Variants in TRRAP observed in about 807,000 individuals in gnomAD.
The protein encoded by TRRAP is transformation/transcription domain-associated protein.
Under a neutral mutation model 438.8 loss-of-function variants are expected in TRRAP, and 41 were observed. The ratio of observed to expected loss-of-function variants is 0.09; its 90% CI spans 0.07 to 0.12. The LOEUF is 0.12. Ranked by LOEUF, TRRAP falls within the 10% of genes least tolerant of loss-of-function variation. The pLI is 1.00. For missense variants in TRRAP, 3,122 were observed against 5,055.1 expected (o/e 0.62, Z 11.60); for synonymous variants, 1,994 against 1,962.9 (o/e 1.02, Z -0.42).
intron 67 of TRRAP, among the ~76,000 whole-genome samples, chr7:99,003,678 C>T (rs1055635395): frequency 2.6e-5 from 4 of 152,222 alleles, no homozygotes; most frequent in South Asian, 2.1e-4. Flanking sequence ...TTCCTCTCCA[C>T]GCGGTGGGAG....
At chr7:98,941,107 A>G (rs1381675120) in intron 30 of TRRAP, among the ~76,000 whole-genome samples, 1 of 152,192 alleles carries the variant, frequency 6.6e-6, no homozygotes, top group Non-Finnish European at 1.5e-5. Flanking sequence ...ATTCTTTTGC[A>G]TATGATGTTC....
At chr7:98,898,542 C>T (rs906966176) in intron 8 of TRRAP, among the ~76,000 whole-genome samples, 4 of 152,186 alleles carry the variant, frequency 2.6e-5, no homozygotes, top group South Asian at 2.1e-4. Context: ...CTTTGAGTAA[C>T]GCTTTCCTCC....
intron 58 of TRRAP, among the ~76,000 whole-genome samples, chr7:98,979,661 T>C (rs748433081): frequency 1.3e-5 from 2 of 152,240 alleles, no homozygotes; most frequent in Admixed American, 6.5e-5. Context: ...CGTTCCCTTC[T>C]TTCTCCTTCC....
At chr7:98,945,839 A>G (rs782392565) in intron 32 of TRRAP, 39 bp downstream of exon 32, 11 of 1,584,784 alleles carry the variant, frequency 6.9e-6, no homozygotes, top group East Asian at 2.2e-5. Context: ...CTGACTTGCA[A>G]TGTGAAGAAA....
intron 33 of TRRAP, 135 bp downstream of exon 33, chr7:98,946,085 TG>T: frequency 1.1e-6 from 1 of 887,766 alleles, no homozygotes; most frequent in East Asian, 5.1e-5. Context: ...ATTGTCTGTC[TG>T]TGGCAGAGTT....
At chr7:98,879,574 G>C (rs1350250363) in intron 1 of TRRAP, among the ~76,000 whole-genome samples, 3 of 152,182 alleles carry the variant, frequency 2.0e-5, no homozygotes, top group African/African-American at 7.2e-5. Context: ...ATGGGGATGG[G>C]CAGGGAGAGT....
chr7:98,903,290 T>G, intron 11 of TRRAP, 89 bp from the exon 12 acceptor site: 1 of 1,539,138 alleles, frequency 6.5e-7, no homozygotes, highest in Non-Finnish European at 8.8e-7. Context: ...CCAAAGGTCT[T>G]ACTGAATTTT....
intron 49 of TRRAP, among the ~76,000 whole-genome samples, chr7:98,966,564 A>T (rs891219311): frequency 3.9e-5 from 6 of 152,110 alleles, no homozygotes; most frequent in African/African-American, 1.4e-4. Flanking sequence ...GCATGCCTGT[A>T]ATCCCGGCTG....
intron 23 of TRRAP, 71 bp downstream of exon 23, chr7:98,927,437 A>G (rs1790103166): frequency 1.3e-6 from 2 of 1,539,116 alleles, no homozygotes; most frequent in Non-Finnish European, 1.8e-6. Flanking sequence ...AAACTTGCTC[A>G]GGACATTTTG....
At chr7:98,975,880 G>T in intron 53 of TRRAP, 1 of 404,838 alleles carries the variant, frequency 2.5e-6, no homozygotes, top group Non-Finnish European at 4.4e-6. Flanking sequence ...GTAGTGTTAA[G>T]AAACCCCCTT....
chr7:99,011,620 G>GT lies in TRRAP; in HGVS notation c.11337+86dup. ...TCACGGCCTTGCAGGAGCTGCTGAT[G>GT]TGCCTCACGGGCTCTGCGCTCTCCA... On this transcript the variant is annotated intron_variant, in intron 72 of 72. Transcript: ENST00000456197. This position sits in a 1 kb window ranked among gnomAD's most constrained non-coding sequence, Gnocchi z 7.1. 1.4e-6 allele frequency: 2 copies of GT among 1,476,214 alleles called. No homozygotes were observed. The allele number at this position is 1,476,214 out of a possible 1,614,324, so 91.4% of individuals were successfully genotyped here. A position where few individuals can be genotyped will look rare whatever the true frequency, so the allele number is the denominator to read the frequency against.
At chr7:98,880,468 T>C (rs1795377889) in intron 1 of TRRAP, among the ~76,000 whole-genome samples, 1 of 152,098 alleles carries the variant, frequency 6.6e-6, no homozygotes, top group African/African-American at 2.4e-5. Context: ...TTCATCATGT[T>C]GGCTACGCTG....
chr7:98,937,516 AAATAGT>A, intron 29 of TRRAP, 128 bp from the exon 30 acceptor site: 4 of 1,150,458 alleles, frequency 3.5e-6, no homozygotes, highest in Non-Finnish European at 4.7e-6. Flanking sequence ...TAAATTTCTG[AAATAGT>A]ATATGATTAA....
Position 98,937,196 on chromosome 7 carries a change from G to A in TRRAP, c.4152G>A (p.Glu1384=), listed in dbSNP as rs1584333548. The change falls in exon 29 of 73, where the codon GAG becomes GAA. Residue 1384 remains glutamate (E), a synonymous_variant. Transcript: ENST00000456197. ...GCAATTACCTTCCTCAGTCCAGGGA[G>A]AAAATCATCGCTGCACTCTTCAAAG... The part of the protein sequence containing the change: ...AACNYLPQSR[E]KIIAALFKAL... The A allele has an allele frequency of 9.9e-6, 16 of 1,613,420 alleles. No individual in the cohort carries two copies. In the East Asian group the frequency reaches 3.6e-4, roughly 36 times the overall value.
rs1793884385 is a variant in TRRAP at position 99,000,734 on chromosome 7, C to A, written c.10310-3456C>A. Among the ~76,000 whole-genome samples the A allele has an allele frequency of 1.3e-5, 2 of 152,324 alleles. 1 individual carries two copies. The highest frequency in any genetic ancestry group is 1.3e-4 in the Admixed American group (2 of 15,310). On this transcript the variant is annotated intron_variant, in intron 67 of 72. Coordinates refer to ENST00000456197, the MANE Select transcript of TRRAP (RefSeq NM_001375524.1). ...TGAGCAATGGGCCAGCCTGGGGTGT[C>A]CTGAAGGAGCAGGGCCCACACCTTT...
chr7:98,891,209 T>A (rs5017013), intron 4 of TRRAP, among the ~76,000 whole-genome samples: 43,491 of 82,398 alleles, frequency 0.53, 11,735 homozygotes, highest in South Asian at 0.73. Flanking sequence ...ATATATTTTT[T>A]TTTTTTTTTT....
intron 67 of TRRAP, among the ~76,000 whole-genome samples, chr7:98,996,717 C>G (rs139135984): frequency 1.6e-3 from 250 of 152,144 alleles, no homozygotes; most frequent in African/African-American, 5.9e-3. Flanking sequence ...AAAATATGGG[C>G]CTTCAAACCT....
chr7:98,906,925 G>T (rs1796792844), intron 13 of TRRAP, among the ~76,000 whole-genome samples: 1 of 151,646 alleles, frequency 6.6e-6, no homozygotes, highest in Non-Finnish European at 1.5e-5. Context: ...CAGGAAGATA[G>T]AAGGGAAGAA....
intron 7 of TRRAP, among the ~76,000 whole-genome samples, chr7:98,897,107 C>T (rs1020625490): frequency 1.4e-4 from 21 of 152,042 alleles, no homozygotes; most frequent in Non-Finnish European, 2.5e-4. Flanking sequence ...TGGTGGTGCG[C>T]GCTAGTAATC....
Sources: gnomAD v4.1 joint callset for allele counts (sites outside exome capture counted in the v4.1 genomes callset) on GRCh38, gnomAD v4.1.1 for gene constraint, Gnocchi (gnomAD v3.1) non-coding constraint, MANE v1.5 for transcripts, NCBI Gene and HGNC (gene_info 2026-07-23, HGNC 2026-07-21) for gene names.